TBC1D22A: variants seen among roughly 807,000 people sequenced by gnomAD.
TBC1D22A encodes TBC1 domain family member 22A.
In TBC1D22A, 38 loss-of-function variants were observed where a neutral mutation model predicts 60.2. The observed-to-expected ratio is 0.63, with a 90% CI of 0.49 to 0.83. The LOEUF (loss-of-function observed/expected upper bound fraction) is 0.83. Ranked by LOEUF, TBC1D22A falls within the 40% of genes least tolerant of loss-of-function variation. The pLI, the probability that TBC1D22A is intolerant of heterozygous loss-of-function variation, is 0.00. For missense variants in TBC1D22A, 628 were observed against 701.0 expected, an observed-to-expected ratio of 0.90 and a Z score of 1.18; for synonymous variants, 302 against 281.7, an observed-to-expected ratio of 1.07 and a Z score of -0.72.
intron 4 of TBC1D22A, among the ~76,000 whole-genome samples, chr22:46,861,646 C>T (rs4823885): frequency 0.31 from 47,268 of 152,148 alleles, 7,373 homozygotes; most frequent in African/African-American, 0.34. Flanking sequence ...GCCAGAATTG[C>T]GCACCTCCCA....
chr22:46,963,081 C>T (rs924958008), intron 8 of TBC1D22A, among the ~76,000 whole-genome samples: 6 of 151,424 alleles, frequency 4.0e-5, no homozygotes, highest in South Asian at 2.1e-4. Context: ...ATTAGCTGGG[C>T]GTGGTGGTGG....
chr22:47,165,932 C>T lies in TBC1D22A; in HGVS notation c.1426-7566C>T, dbSNP rs755240038. ...AATTAAACCAATTAACCCTGCTCCCCGCGTCGCATGTCACCGTGGTGAATC... is the reference window on the plus strand; with the variant it reads ...AATTAAACCAATTAACCCTGCTCCCTGCGTCGCATGTCACCGTGGTGAATC... On this transcript the variant is annotated intron_variant, in intron 12 of 12. Transcript: ENST00000337137. Among the ~76,000 whole-genome samples the T allele has an allele frequency of 4.6e-5, 7 of 152,202 alleles. No individual in the cohort carries two copies. In the East Asian group the frequency reaches 5.8e-4, roughly 13 times the overall value.
chr22:47,145,297 A>G (rs1264952930), intron 12 of TBC1D22A, among the ~76,000 whole-genome samples: 5 of 152,048 alleles, frequency 3.3e-5, no homozygotes, highest in African/African-American at 1.2e-4. Flanking sequence ...TGCCAGGGCC[A>G]TTTTCTCAGG....
chr22:47,108,931 G>C (rs2065741767), intron 11 of TBC1D22A, among the ~76,000 whole-genome samples: 1 of 152,192 alleles, frequency 6.6e-6, no homozygotes, highest in Non-Finnish European at 1.5e-5. Context: ...TCCTGACCTT[G>C]TGATCCGCCC....
intron 8 of TBC1D22A, among the ~76,000 whole-genome samples, chr22:46,916,569 A>G (rs2070382508): frequency 6.6e-6 from 1 of 152,228 alleles, no homozygotes; most frequent in African/African-American, 2.4e-5. Context: ...ATACATAACC[A>G]TACAGAGACA....
Position 47,028,547 on chromosome 22 carries a change from C to T in TBC1D22A, c.1202-8524C>T, listed in dbSNP as rs1246591175. 1.3e-5 allele frequency among the ~76,000 whole-genome samples: 2 copies of T among 151,808 alleles called. No homozygotes were observed. The highest frequency in any genetic ancestry group is 2.4e-5 in the African/African-American group (1 of 41,280). On this transcript the variant is annotated intron_variant, in intron 10 of 12. Transcript: ENST00000337137. The surrounding 1 kb of genome is among the most constrained non-coding windows in gnomAD (Gnocchi z 4.4). ...GGCCCAGGTTCTGAGAGTGAGTGGT[C>T]GCGTTCCTGTCCCTCGGTCCCTGTC...
intron 4 of TBC1D22A, among the ~76,000 whole-genome samples, chr22:46,847,638 T>C (rs1310784170): frequency 6.6e-6 from 1 of 152,044 alleles, no homozygotes; most frequent in Non-Finnish European, 1.5e-5. Flanking sequence ...GCCTGCCAGG[T>C]CTGTTGATGA....
chr22:46,944,609 A>G (rs369868715), intron 8 of TBC1D22A, among the ~76,000 whole-genome samples: 52 of 152,318 alleles, frequency 3.4e-4, no homozygotes, highest in Middle Eastern at 6.8e-3. Context: ...CGTGTTAGCC[A>G]GGATGGTCTT....
intron 7 of TBC1D22A, among the ~76,000 whole-genome samples, chr22:46,907,493 T>A (rs143297764): frequency 1.3e-5 from 2 of 152,226 alleles, no homozygotes; most frequent in African/African-American, 4.8e-5. Flanking sequence ...ACCCCCAGAA[T>A]GAGCCCAGGT....
At chr22:46,803,813 G>GA (rs1202798781) in intron 4 of TBC1D22A, among the ~76,000 whole-genome samples, 1 of 152,190 alleles carries the variant, frequency 6.6e-6, no homozygotes, top group Non-Finnish European at 1.5e-5. Flanking sequence ...GGGGCAGAGG[G>GA]AACAAACTCC....
chr22:46,779,954 C>T (rs1359454808), intron 1 of TBC1D22A, among the ~76,000 whole-genome samples: 2 of 152,208 alleles, frequency 1.3e-5, no homozygotes, highest in African/African-American at 4.8e-5. Flanking sequence ...TCGGGGTGGG[C>T]ACAAGTTTCA....
chr22:46,798,216 T>C (rs2084742149), intron 4 of TBC1D22A, among the ~76,000 whole-genome samples: 1 of 152,252 alleles, frequency 6.6e-6, no homozygotes, highest in Non-Finnish European at 1.5e-5. Flanking sequence ...TCTTTATTAT[T>C]GCTGCCCTTG....
intron 8 of TBC1D22A, among the ~76,000 whole-genome samples, chr22:46,959,842 G>A (rs151133109): frequency 3.0e-4 from 45 of 152,280 alleles, no homozygotes; most frequent in African/African-American, 1.1e-3. Flanking sequence ...ACCTGCCATC[G>A]GCATTTGCTT....
intron 10 of TBC1D22A, among the ~76,000 whole-genome samples, chr22:47,035,909 G>A (rs904289696): frequency 5.3e-5 from 8 of 152,212 alleles, no homozygotes; most frequent in South Asian, 2.1e-4. Flanking sequence ...CCTGCTTCTC[G>A]CTTGTTGCTG....
intron 8 of TBC1D22A, among the ~76,000 whole-genome samples, chr22:46,969,696 G>A (rs1042852255): frequency 1.3e-5 from 2 of 152,040 alleles, no homozygotes; most frequent in African/African-American, 4.8e-5. Context: ...CTGTGCACTC[G>A]CCATCCCACC....
At chr22:47,042,516 C>T (rs943769287) in intron 11 of TBC1D22A, among the ~76,000 whole-genome samples, 7 of 152,222 alleles carry the variant, frequency 4.6e-5, no homozygotes, top group African/African-American at 1.4e-4. Context: ...GATTTCCATG[C>T]GGGAGGAGCT....
At chr22:46,805,524 G>A (rs1337208937) in intron 4 of TBC1D22A, among the ~76,000 whole-genome samples, 1 of 152,206 alleles carries the variant, frequency 6.6e-6, no homozygotes, top group Non-Finnish European at 1.5e-5. Context: ...CTCTAAAGGG[G>A]CTGTCACCAT....
chr22:47,096,280 T>TG (rs1367623724), intron 11 of TBC1D22A, among the ~76,000 whole-genome samples: 2 of 152,194 alleles, frequency 1.3e-5, no homozygotes, highest in African/African-American at 4.8e-5. Context: ...TTTTAGTTCT[T>TG]GCCCATCTGG....
chr22:47,123,304 G>A (rs957982443), intron 12 of TBC1D22A, among the ~76,000 whole-genome samples: 5 of 152,178 alleles, frequency 3.3e-5, no homozygotes, highest in Non-Finnish European at 5.9e-5. Context: ...CCCCCTTGCT[G>A]TGCTTACTGG....
Sources: gnomAD v4.1 joint callset for allele counts (sites outside exome capture counted in the v4.1 genomes callset) on GRCh38, gnomAD v4.1.1 for gene constraint, Gnocchi (gnomAD v3.1) non-coding constraint, MANE v1.5 for transcripts, NCBI Gene and HGNC (gene_info 2026-07-23, HGNC 2026-07-21) for gene names.